The following KCNT2 variants were observed in gnomAD, a reference collection of about 807,000 sequenced individuals.
The protein encoded by KCNT2 is potassium sodium-activated channel subfamily T member 2, also known as potassium channel subfamily T member 2.
KCNT2 carries 67 observed loss-of-function variants against 153.8 expected under a neutral mutation model. The observed-to-expected ratio is 0.44, with a 90% confidence interval of 0.36 to 0.53. KCNT2 has a LOEUF of 0.53. Ranked by LOEUF, KCNT2 falls within the 20% of genes least tolerant of loss-of-function variation. The pLI is 0.00. For synonymous variants in KCNT2, 500 were observed against 458.8 expected (o/e 1.09, Z -1.15); for missense variants, 975 against 1,354.8 (o/e 0.72, Z 4.40).
At chr1:196,355,714 C>T (rs985670713) in intron 14 of KCNT2, among the ~76,000 whole-genome samples, 32 of 151,692 alleles carry the variant, frequency 2.1e-4, no homozygotes, top group African/African-American at 7.0e-4. Flanking sequence ...TGTGTTAAGA[C>T]TTTTCATCTA....
intron 1 of KCNT2, among the ~76,000 whole-genome samples, chr1:196,587,994 A>G (rs111378990): frequency 6.6e-6 from 1 of 152,038 alleles, no homozygotes; most frequent in Non-Finnish European, 1.5e-5. Context: ...TCTTGCCTTG[A>G]TAAGATAGTG....
In KCNT2 at chr1:196,483,431, G is replaced by A. The variant is rs148050985; in HGVS notation, c.276-1052C>T. 6.6e-5 allele frequency among the ~76,000 whole-genome samples: 10 copies of A among 152,160 alleles called. No individual in the cohort carries two copies. The East Asian group carries it at 1.2e-3, about 18-fold the overall frequency. On this transcript the variant is annotated intron_variant, in intron 3 of 27. Coordinates refer to ENST00000294725, the MANE Select transcript of KCNT2 (RefSeq NM_198503.5). ...GCCTTCTACCATTTTTCTCCAAGTC[G>A]CAAATACACTGATTCTTTCAAAATG...
At chr1:196,277,420 C>G (rs1007761075) in intron 25 of KCNT2, among the ~76,000 whole-genome samples, 34 of 152,096 alleles carry the variant, frequency 2.2e-4, no homozygotes, top group African/African-American at 7.5e-4. Flanking sequence ...AAGTGTAAAG[C>G]GTACAGAATG....
intron 26 of KCNT2, among the ~76,000 whole-genome samples, chr1:196,246,453 T>C (rs947582594): frequency 2.0e-5 from 3 of 152,136 alleles, no homozygotes; most frequent in African/African-American, 7.2e-5. Context: ...TTGGTAATAG[T>C]AAATACACAC....
chr1:196,573,385 CT>C (rs779975752), intron 1 of KCNT2, among the ~76,000 whole-genome samples: 2 of 151,910 alleles, frequency 1.3e-5, no homozygotes, highest in Non-Finnish European at 2.9e-5. Flanking sequence ...AGACACTGTT[CT>C]TTTGATATGC....
intron 1 of KCNT2, among the ~76,000 whole-genome samples, chr1:196,503,737 T>C (rs2148772902): frequency 6.6e-6 from 1 of 152,306 alleles, no homozygotes; most frequent in African/African-American, 2.4e-5. Flanking sequence ...AACTGGAAGT[T>C]ACATGAACAC....
At chr1:196,320,128 T>G (rs957508538) in intron 19 of KCNT2, among the ~76,000 whole-genome samples, 1 of 151,766 alleles carries the variant, frequency 6.6e-6, no homozygotes, top group African/African-American at 2.4e-5. Flanking sequence ...ATTTTTAAAT[T>G]TATTGATATA....
chr1:196,271,167 G>T (rs963549521), intron 25 of KCNT2, among the ~76,000 whole-genome samples: 2 of 151,850 alleles, frequency 1.3e-5, no homozygotes, highest in African/African-American at 4.8e-5. Context: ...TTAAAGAAAA[G>T]AATACTATAA....
At chr1:196,464,686 C>A (rs981694512) in intron 8 of KCNT2, among the ~76,000 whole-genome samples, 7 of 151,916 alleles carry the variant, frequency 4.6e-5, no homozygotes, top group Admixed American at 3.3e-4. Flanking sequence ...CTGAATGAAT[C>A]CATATGTCCG....
intron 5 of KCNT2, among the ~76,000 whole-genome samples, chr1:196,477,670 G>A (rs1678657873): frequency 6.6e-6 from 1 of 152,134 alleles, no homozygotes; most frequent in Admixed American, 6.6e-5. Context: ...ACACTTGATA[G>A]AGTAGATGAA....
At chr1:196,287,969 A>G (rs1659825775) in intron 22 of KCNT2, among the ~76,000 whole-genome samples, 1 of 152,054 alleles carries the variant, frequency 6.6e-6, no homozygotes, top group Non-Finnish European at 1.5e-5. Flanking sequence ...CATACTTAGG[A>G]AGGGCACCTA....
chr1:196,317,897 T>C (rs747451559), intron 20 of KCNT2, among the ~76,000 whole-genome samples: 4 of 151,762 alleles, frequency 2.6e-5, no homozygotes, highest in East Asian at 1.9e-4. Context: ...ATATAGAAAG[T>C]AGATAAATTT....
intron 25 of KCNT2, among the ~76,000 whole-genome samples, chr1:196,271,454 G>A (rs1008193286): frequency 6.6e-6 from 1 of 152,108 alleles, no homozygotes; most frequent in South Asian, 2.1e-4. Context: ...AGAAAGCCAT[G>A]ACTACGTAGT....
intron 14 of KCNT2, among the ~76,000 whole-genome samples, chr1:196,367,101 T>C (rs1476649000): frequency 6.6e-6 from 1 of 152,148 alleles, no homozygotes. Context: ...GGATTTGTGA[T>C]TCCTGAAGAG....
intron 1 of KCNT2, among the ~76,000 whole-genome samples, chr1:196,547,685 T>A (rs1178295194): frequency 6.6e-6 from 1 of 151,980 alleles, no homozygotes; most frequent in East Asian, 1.9e-4. Flanking sequence ...TATATCTACA[T>A]ATAAATGTAG....
intron 19 of KCNT2, among the ~76,000 whole-genome samples, chr1:196,321,686 T>C (rs972695686): frequency 6.6e-6 from 1 of 151,918 alleles, no homozygotes; most frequent in Non-Finnish European, 1.5e-5. Context: ...AAATATATAA[T>C]CCTGATGAAG....
At chr1:196,294,349 C>G (rs149927582) in intron 22 of KCNT2, among the ~76,000 whole-genome samples, 2,116 of 152,290 alleles carry the variant, frequency 0.014, 24 homozygotes, top group Admixed American at 0.022. Flanking sequence ...GATCTCAGCT[C>G]ATTGCAACCT....
Position 196,373,210 on chromosome 1 carries a change from A to G in KCNT2, c.1333T>C (p.Leu445=). 6.3e-7 allele frequency: 1 copy of G among 1,583,152 alleles called. No homozygotes were observed. Among genetic ancestry groups the G allele is most frequent in the Non-Finnish European group, 8.7e-7 (1 of 1,152,676 alleles). Residue 445 remains leucine (L), a synonymous_variant, in exon 14 of 28, where the codon TTA becomes CTA. Coordinates refer to ENST00000294725, the MANE Select transcript of KCNT2 (RefSeq NM_198503.5). ...GCTGGGCATATACAGTTTAAAGCTAACATGGCGTATTTAAACTCTTCTTCA... is the reference window on the plus strand; with the variant it reads ...GCTGGGCATATACAGTTTAAAGCTAGCATGGCGTATTTAAACTCTTCTTCA... ...VCEEEFKYAM[L]ALNCICPATS...
At chr1:196,539,564 T>C (rs1656059104) in intron 1 of KCNT2, among the ~76,000 whole-genome samples, 1 of 152,156 alleles carries the variant, frequency 6.6e-6, no homozygotes, top group African/African-American at 2.4e-5. Context: ...CTGTTTTCAA[T>C]TTAATGGTAT....
Sources: allele counts gnomAD v4.1 joint callset (sites outside exome capture counted in the v4.1 genomes callset), GRCh38; gene constraint gnomAD v4.1.1; transcripts MANE v1.5; gene names NCBI Gene and HGNC (gene_info 2026-07-23, HGNC 2026-07-21).